The following INTS4 variants were observed in gnomAD, a reference collection of about 807,000 sequenced individuals.
The protein encoded by INTS4 is integrator complex subunit 4.
In INTS4, 70 loss-of-function variants were observed where a neutral mutation model predicts 119.5. That is an observed-to-expected ratio of 0.59 (90% CI 0.48 to 0.71). The LOEUF is 0.71. INTS4 is among the 30% of genes least tolerant of loss of function. The pLI is 0.00. For synonymous variants in INTS4, 316 were observed against 419.6 expected, an observed-to-expected ratio of 0.75 and a Z score of 3.02; for missense variants, 867 against 1,173.2, an observed-to-expected ratio of 0.74 and a Z score of 3.81.
At chr11:77,956,429 G>A (rs1954322491) in intron 7 of INTS4, among the ~76,000 whole-genome samples, 1 of 151,834 alleles carries the variant, frequency 6.6e-6, no homozygotes. Context: ...AATACAGTCT[G>A]GGCGCAATGG....
chr11:77,884,766 T>A, intron 21 of INTS4: 1 of 395,430 alleles, frequency 2.5e-6, no homozygotes, highest in Non-Finnish European at 5.2e-6. Context: ...TTTCTTTTTT[T>A]TTCTTTAAAA....
chr11:77,909,227 T>G (rs1435556066), intron 15 of INTS4, among the ~76,000 whole-genome samples: 3 of 152,214 alleles, frequency 2.0e-5, no homozygotes, highest in South Asian at 4.1e-4. Flanking sequence ...AGAAACTAGG[T>G]CCTCAATGAT....
intron 8 of INTS4, among the ~76,000 whole-genome samples, chr11:77,946,187 A>T (rs1277972160): frequency 6.6e-6 from 1 of 152,234 alleles, no homozygotes; most frequent in East Asian, 1.9e-4. Flanking sequence ...TAGGCAACTG[A>T]GGCAATTGCA....
At chr11:77,901,685 G>A (rs1450572362) in intron 17 of INTS4, 134 bp from the exon 18 acceptor site, 2 of 676,772 alleles carry the variant, frequency 3.0e-6, no homozygotes, top group Non-Finnish European at 5.0e-6. Flanking sequence ...TTTAAGTGTT[G>A]AAAGAAATTA....
intron 7 of INTS4, among the ~76,000 whole-genome samples, chr11:77,956,693 C>A (rs1443782984): frequency 6.9e-6 from 1 of 144,484 alleles, no homozygotes; most frequent in African/African-American, 2.6e-5. Context: ...GGCAACAGAG[C>A]GAGACTCCAT....
intron 15 of INTS4, 60 bp from the exon 16 acceptor site, chr11:77,907,870 G>C (rs1952997704): frequency 1.9e-6 from 2 of 1,066,182 alleles, no homozygotes; most frequent in Admixed American, 2.1e-5. Context: ...CCAACATAAA[G>C]ATCATGTCAA....
chr11:77,994,481 A>T, intron 1 of INTS4, 109 bp downstream of exon 1: 1 of 844,468 alleles, frequency 1.2e-6, no homozygotes. Context: ...TCAACAAGTC[A>T]GCACTTAACA....
intron 15 of INTS4, among the ~76,000 whole-genome samples, chr11:77,908,098 T>C (rs1953005258): frequency 6.6e-6 from 1 of 152,070 alleles, no homozygotes; most frequent in African/African-American, 2.4e-5. Context: ...CTAAGAGAAA[T>C]ATTCAACAGA....
chr11:77,920,434 CTAT>C (rs1953330428), intron 14 of INTS4, among the ~76,000 whole-genome samples: 1 of 151,480 alleles, frequency 6.6e-6, no homozygotes, highest in Non-Finnish European at 1.5e-5. Context: ...GAAGTGTTTG[CTAT>C]TATTATTATG....
intron 4 of INTS4, among the ~76,000 whole-genome samples, chr11:77,976,572 C>T (rs1855959895): frequency 6.6e-6 from 1 of 152,176 alleles, no homozygotes; most frequent in Non-Finnish European, 1.5e-5. Flanking sequence ...AATCCCATTA[C>T]TGGGTATATA....
rs573529051 is a variant in INTS4 at position 77,953,964 on chromosome 11, C to A, written c.918+1978G>T. Among the ~76,000 whole-genome samples, 3 of 149,864 alleles carry A rather than the reference C, an allele frequency of 2.0e-5. No individual in the cohort carries two copies. The South Asian group carries it at 6.4e-4, about 32-fold the overall frequency. Reference sequence around the variant, plus strand: ...AAGTAGCTAGGACTAGAGGCGTGTGCCACCATGCCCAGCTAATTTTTGTAT... The same window carrying A: ...AAGTAGCTAGGACTAGAGGCGTGTGACACCATGCCCAGCTAATTTTTGTAT... On this transcript the variant is annotated intron_variant, in intron 8 of 22. Transcript: ENST00000534064.
At chr11:77,920,099 G>A (rs1043754798) in intron 14 of INTS4, among the ~76,000 whole-genome samples, 4 of 151,284 alleles carry the variant, frequency 2.6e-5, no homozygotes, top group Non-Finnish European at 4.4e-5. Context: ...ATGAGCCACC[G>A]CACCTGGCCT....
chr11:77,916,461 T>A (rs1054484509), intron 15 of INTS4, among the ~76,000 whole-genome samples: 1 of 152,160 alleles, frequency 6.6e-6, no homozygotes, highest in Non-Finnish European at 1.5e-5. Context: ...TATCTGTATA[T>A]CTAAACATCA....
At chr11:77,883,265 C>CA (rs1951863932) in intron 22 of INTS4, among the ~76,000 whole-genome samples, 1 of 152,132 alleles carries the variant, frequency 6.6e-6, no homozygotes, top group African/African-American at 2.4e-5. Context: ...ATTCTGCCCC[C>CA]TATTCTAGGT....
rs1856677949 is a variant in INTS4 at position 77,991,309 on chromosome 11, G to A, written c.55-10C>T. 1.2e-6 allele frequency: 2 copies of A among 1,601,326 alleles called. No homozygotes were observed. The highest frequency in any genetic ancestry group is 4.5e-5 in the East Asian group (2 of 44,652). On this transcript the variant is annotated splice_polypyrimidine_tract_variant and intron_variant, in intron 1 of 22. Transcript: ENST00000534064. The stretch of plus-strand genomic sequence containing the variant: ...CAATTTCCTCCTGTGGCTGCAAGGG[G>A]TAGAGAAAATCGAAAACACAGAATC...
intron 21 of INTS4, among the ~76,000 whole-genome samples, chr11:77,888,179 C>G (rs1952100824): frequency 6.6e-6 from 1 of 152,196 alleles, no homozygotes; most frequent in Non-Finnish European, 1.5e-5. Context: ...AACTATACTA[C>G]AAGCCTACAG....
chr11:77,919,102 G>C (rs750512604), intron 14 of INTS4, 124 bp from the exon 15 acceptor site: 29 of 989,732 alleles, frequency 2.9e-5, no homozygotes, highest in Non-Finnish European at 4.3e-5. Flanking sequence ...AAAAGGCTAG[G>C]ATATTCTATA....
chr11:77,941,334 T>A, intron 8 of INTS4, 83 bp from the exon 9 acceptor site: 1 of 1,497,616 alleles, frequency 6.7e-7, no homozygotes, highest in Non-Finnish European at 9.0e-7. Context: ...ATAGACAATT[T>A]AAGTGCATAA....
At chr11:77,945,127 C>T (rs1399111356) in intron 8 of INTS4, among the ~76,000 whole-genome samples, 1 of 152,216 alleles carries the variant, frequency 6.6e-6, no homozygotes, top group African/African-American at 2.4e-5. Context: ...AGGTTTCCTA[C>T]CTGCCACACT....
Sources: gnomAD v4.1 joint callset for allele counts (sites outside exome capture counted in the v4.1 genomes callset) on GRCh38, gnomAD v4.1.1 for gene constraint, MANE v1.5 for transcripts, NCBI Gene and HGNC (gene_info 2026-07-23, HGNC 2026-07-21) for gene names.